KRT16: variants seen among roughly 807,000 people sequenced by gnomAD.
KRT16 encodes the protein keratin 16, also known as keratin, type I cytoskeletal 16.
Under a neutral mutation model 44.8 loss-of-function variants are expected in KRT16, and 42 were observed. That is an observed-to-expected ratio of 0.94 (90% CI 0.73 to 1.21). KRT16 has a LOEUF of 1.21. KRT16 is among the 50% of genes most tolerant of loss of function. KRT16 has a pLI of 0.00. For missense variants in KRT16, 561 were observed against 626.9 expected (o/e 0.89, Z 1.12); for synonymous variants, 226 against 260.4 (o/e 0.87, Z 1.27).
chr17:41,611,566 G>A, intron 2 of KRT16, 65 bp from the exon 3 acceptor site: 1 of 1,607,602 alleles, frequency 6.2e-7, no homozygotes, highest in Admixed American at 1.7e-5. Flanking sequence ...GGGGTCTGCT[G>A]GCCCTGCTGG....
chr17:41,611,529 G>C, intron 2 of KRT16, 28 bp from the exon 3 acceptor site: 8 of 1,612,516 alleles, frequency 5.0e-6, no homozygotes, highest in Non-Finnish European at 6.8e-6. Flanking sequence ...AGGTCCTCAG[G>C]CTGCAGCCCT....
At chr17:41,611,811 C>T in intron 1 of KRT16, 90 bp from the exon 2 acceptor site, 1 of 1,254,648 alleles carries the variant, frequency 8.0e-7, no homozygotes, top group South Asian at 1.3e-5. Context: ...AGGAACCGCC[C>T]CAAATCTGGA....
At chr17:41,610,129 G>A in intron 7 of KRT16, 61 bp downstream of exon 7, 6 of 1,604,322 alleles carry the variant, frequency 3.7e-6, no homozygotes, top group Admixed American at 1.7e-5. Flanking sequence ...GAAGGGCCCA[G>A]CCCCCACTCC....
chr17:41,610,150 G>A lies in KRT16; in HGVS notation c.1327+40C>T, dbSNP rs750731967. On this transcript the variant is annotated intron_variant, in intron 7 of 7. Transcript: ENST00000301653. The stretch of plus-strand genomic sequence containing the variant: ...CCCAGCCCCCACTCCATGGAAACAG[G>A]CAGAGGGGCTGCAGTGCCGGGGAGC... 10 of 1,611,832 alleles carry A rather than the reference G, an allele frequency of 6.2e-6. No individual in the cohort carries two copies. The African/African-American group carries it at 1.3e-4, about 21-fold the overall frequency.
Position 41,610,913 on chromosome 17 carries a change from T to C in KRT16, c.1000A>G (p.Thr334Ala). The C allele has an allele frequency of 6.2e-7, 1 of 1,614,160 alleles. No homozygotes were observed. Among genetic ancestry groups the C allele is most frequent in the Non-Finnish European group, 8.5e-7 (1 of 1,180,028 alleles). The change falls in exon 5 of 8, where the codon ACG (threonine) becomes GCG (alanine). Residue 334 changes from threonine (T) to alanine (A), a missense_variant. Transcript: ENST00000301653. ...CCCTGGAGCACCCTCCGGAGCTCCG[T>C]CACCTCACTGCGGCTGCTCTGTACC... ...ELVQSSRSEVTELRRVLQGLE... is the reference protein window; with the variant it reads ...ELVQSSRSEVAELRRVLQGLE...
rs761841395 is a variant in KRT16, at chr17:41,609,916, TG to T, written c.*18del. On this transcript the variant is annotated 3_prime_UTR_variant, in exon 8 of 8. Transcript: ENST00000301653. ...AGGCCAGCTGGTGGGCAGGAGGCTG[TG>T]GTAGAGGCAGCTCAGTTCTAGGAGC... 11 of 1,609,122 alleles carry T rather than the reference TG, an allele frequency of 6.8e-6. No homozygotes were observed. The highest frequency in any genetic ancestry group is 9.3e-6 in the Non-Finnish European group (11 of 1,177,818).
chr17:41,611,808 G>A (rs1908213429), intron 1 of KRT16, 87 bp from the exon 2 acceptor site: 26 of 1,275,446 alleles, frequency 2.0e-5, no homozygotes, highest in Middle Eastern at 2.6e-4. Flanking sequence ...AAAAGGAACC[G>A]CCCCAAATCT....
chr17:41,612,399 C>G lies in KRT16; in HGVS notation c.290G>C (p.Gly97Ala). 6.2e-7 allele frequency: 1 copy of G among 1,614,172 alleles called. No individual in the cohort carries two copies. Among genetic ancestry groups the G allele is most frequent in the South Asian group, 1.1e-5 (1 of 91,078 alleles). ...GGGLGAGFGG[G>A]LGAGFGGGFA... Reference sequence around the variant, plus strand: ...ACCACCACCAAAGCCAGCACCCAAGCCACCACCGAAGCCAGCACCAAGGCC... The same window carrying G: ...ACCACCACCAAAGCCAGCACCCAAGGCACCACCGAAGCCAGCACCAAGGCC... The change falls in exon 1 of 8, where the codon GGC becomes GCC. Residue 97 changes from glycine (G) to alanine (A), a missense_variant. Transcript: ENST00000301653.
rs750570209 is a variant in KRT16, at chr17:41,610,561, A to T, written c.1060-10T>A. On this transcript the variant is annotated splice_polypyrimidine_tract_variant and intron_variant, in intron 5 of 7. Transcript: ENST00000301653. ...TCTCCAGGGATGCTTTCTGCAAGTG[A>T]GAGAGAGAAAAAGAGTCCATGGAGG... 3.7e-6 allele frequency: 6 copies of T among 1,611,562 alleles called. No individual in the cohort carries two copies. The African/African-American group carries it at 4.0e-5, about 11-fold the overall frequency.
In KRT16 at chr17:41,612,715, G is replaced by A. The variant is rs1908254029; in HGVS notation, c.-27C>T. The A allele has an allele frequency of 6.4e-7, 1 of 1,566,094 alleles. No homozygotes were observed. The highest frequency in any genetic ancestry group is 8.6e-7 in the Non-Finnish European group (1 of 1,158,638). On this transcript the variant is annotated 5_prime_UTR_variant, in exon 1 of 8. Coordinates refer to ENST00000301653, the MANE Select transcript of KRT16 (RefSeq NM_005557.4). ...GTGCCAAGGAGGGAGGTGAGCGAGT[G>A]AGCAGTTGGCTGAAAGAAGGAAAGG... is the stretch of plus-strand genomic sequence containing the variant.
Position 41,612,640 on chromosome 17 carries a change from A to T in KRT16, c.49T>A (p.Ser17Thr). 1.9e-6 allele frequency: 3 copies of T among 1,601,674 alleles called. No individual in the cohort carries two copies. Among genetic ancestry groups the T allele is most frequent in the Non-Finnish European group, 2.6e-6 (3 of 1,175,038 alleles). ...QFTSSSSMKG[S>T]CGIGGGIGGG... Reference sequence around the variant, plus strand: ...CCGATGCCGCCTCCGATGCCGCAGGAGCCCTTCATGGAGCTGGAGGAGGTG... The same window carrying T: ...CCGATGCCGCCTCCGATGCCGCAGGTGCCCTTCATGGAGCTGGAGGAGGTG... The change falls in exon 1 of 8, where the codon TCC (serine) becomes ACC (threonine). Residue 17 changes from serine to threonine, a missense_variant. Ser to Thr is a moderately conservative substitution (Grantham distance 58). Coordinates refer to ENST00000301653, the MANE Select transcript of KRT16 (RefSeq NM_005557.4).
chr17:41,612,377 A>T lies in KRT16; in HGVS notation c.312T>A (p.Gly104=), dbSNP rs1597686215. ...FGGGLGAGFG[G]GFAGGDGLLV... is the part of the protein sequence containing the mutation. ...GAAGCCCATCACCACCAGCAAAACC[A>T]CCACCAAAGCCAGCACCCAAGCCAC... Residue 104 remains glycine (G), a synonymous_variant, in exon 1 of 8, where the codon GGT becomes GGA. Coordinates refer to ENST00000301653, the MANE Select transcript of KRT16 (RefSeq NM_005557.4). 6.2e-7 allele frequency: 1 copy of T among 1,614,106 alleles called. No homozygotes were observed. Among genetic ancestry groups the T allele is most frequent in the Middle Eastern group, 1.7e-4 (1 of 6,048 alleles).
In KRT16 at chr17:41,611,417, G is replaced by A. The variant is rs138889840; in HGVS notation, c.699C>T (p.Ala233=). ...LRRVLDELTL[A]RTDLEMQIEG... ...CGATCTGCATCTCCAGGTCAGTCCTGGCCAGGGTCAGCTCATCCAACACCC... is the reference window on the plus strand; with the variant it reads ...CGATCTGCATCTCCAGGTCAGTCCTAGCCAGGGTCAGCTCATCCAACACCC... The change falls in exon 3 of 8, where the codon GCC becomes GCT. Residue 233 remains alanine (A), a synonymous_variant. Transcript: ENST00000301653. 1.3e-4 allele frequency: 217 copies of A among 1,614,226 alleles called. No individual in the cohort carries two copies. In the African/African-American group the frequency reaches 2.4e-3, roughly 18 times the overall value.
At chr17:41,611,314 C>T (rs1443379079) in intron 3 of KRT16, 31 bp downstream of exon 3, 4 of 1,613,992 alleles carry the variant, frequency 2.5e-6, no homozygotes, top group Non-Finnish European at 3.4e-6. Flanking sequence ...CCAAACCAGC[C>T]TCCCACCCCG....
In KRT16 at chr17:41,611,512, A is replaced by G; in HGVS notation, c.615-11T>C. 6.2e-7 allele frequency: 1 copy of G among 1,613,266 alleles called. No homozygotes were observed. The highest frequency in any genetic ancestry group is 1.1e-5 in the South Asian group (1 of 91,038). On this transcript the variant is annotated splice_polypyrimidine_tract_variant and intron_variant, in intron 2 of 7. Coordinates refer to ENST00000301653, the MANE Select transcript of KRT16 (RefSeq NM_005557.4). The stretch of plus-strand genomic sequence containing the variant: ...AGTTCATGCTCATACCTGGCAGGAC[A>G]GAGGTCAGGTCCTCAGGCTGCAGCC...
rs140428349 is a variant in KRT16 at position 41,611,101 on chromosome 17, G to A, written c.901C>T (p.Arg301Cys). 19 of 1,613,868 alleles carry A rather than the reference G, an allele frequency of 1.2e-5. No individual in the cohort carries two copies. In the African/African-American group the frequency reaches 1.6e-4, roughly 14 times the overall value. ...DQYEQMAEKN[R>C]RDAETWFLSK... ...AGGAACCAGGTCTCAGCGTCTCTGC[G>A]GTTTTTCTCTGCCATCTGCTCGTAC... The change falls in exon 4 of 8, where the codon CGC becomes TGC. Residue 301 changes from arginine (R) to cysteine (C), a missense_variant. Coordinates refer to ENST00000301653, the MANE Select transcript of KRT16 (RefSeq NM_005557.4).
chr17:41,612,573 G>A lies in KRT16; in HGVS notation c.116C>T (p.Ser39Phe). 1 of 1,595,154 alleles carries A rather than the reference G, an allele frequency of 6.3e-7. No homozygotes were observed. The highest frequency in any genetic ancestry group is 8.5e-7 in the Non-Finnish European group (1 of 1,171,376). ...CCCGTAGGTGCTGGGGGCACGGCAG[G>A]ACCCTCCGGCCAGGACGGAGGAGAT... ...SRISSVLAGG[S>F]CRAPSTYGGG... Residue 39 changes from serine (S) to phenylalanine (F), a missense_variant, in exon 1 of 8, where the codon TCC becomes TTC. Physicochemically the swap from Ser to Phe is radical, Grantham distance 155. Coordinates refer to ENST00000301653, the MANE Select transcript of KRT16 (RefSeq NM_005557.4).
chr17:41,611,129 G>A lies in KRT16; in HGVS notation c.873C>T (p.Asp291=), dbSNP rs755523069. Reference sequence around the variant, plus strand: ...TTTTCTCTGCCATCTGCTCGTACTGGTCACGCATCTCATTCAGGATGCGGC... The same window carrying A: ...TTTTCTCTGCCATCTGCTCGTACTGATCACGCATCTCATTCAGGATGCGGC... The part of the protein sequence containing the change: ...DLSRILNEMR[D]QYEQMAEKNR... Residue 291 remains aspartate, a synonymous_variant, in exon 4 of 8, where the codon GAC becomes GAT. Transcript: ENST00000301653. 1 of 1,614,002 alleles carries A rather than the reference G, an allele frequency of 6.2e-7. No individual in the cohort carries two copies. Among genetic ancestry groups the A allele is most frequent in the Non-Finnish European group, 8.5e-7 (1 of 1,179,886 alleles).
At position 41,612,109 on chromosome 17, in the gene KRT16, C is replaced by A. The variant is rs549505855; in HGVS notation, c.531+49G>T. On this transcript the variant is annotated intron_variant, in intron 1 of 7. Transcript: ENST00000301653. Reference sequence around the variant, plus strand: ...TGCTAAAAAGAGGTATCCCAAGGGCCACTGTAGCCCCAGCCTCTCTCAGTG... The same window carrying A: ...TGCTAAAAAGAGGTATCCCAAGGGCAACTGTAGCCCCAGCCTCTCTCAGTG... 1.0e-4 allele frequency: 160 copies of A among 1,605,914 alleles called. 2 individuals carry two copies. In the South Asian group the frequency reaches 1.6e-3, roughly 16 times the overall value.
Sources: allele counts gnomAD v4.1 joint callset, GRCh38; gene constraint gnomAD v4.1.1; transcripts MANE v1.5; gene names NCBI Gene and HGNC (gene_info 2026-07-23, HGNC 2026-07-21).